Variants in HDAC3 observed in about 807,000 individuals in gnomAD.
HDAC3 encodes the protein histone deacetylase 3, also known as SMAP45.
In HDAC3, 21 loss-of-function variants were observed where a neutral mutation model predicts 62.3. The observed-to-expected ratio is 0.34, with a 90% CI of 0.24 to 0.49. HDAC3 has a LOEUF of 0.49. HDAC3 is among the 20% of genes least tolerant of loss of function. HDAC3 has a pLI of 0.99. For synonymous variants in HDAC3, 198 were observed against 206.5 expected (o/e 0.96, Z 0.35); for missense variants, 270 against 556.9 (o/e 0.48, Z 5.19).
intron 3 of HDAC3, among the ~76,000 whole-genome samples, chr5:141,632,744 T>G (rs1324442575): frequency 6.6e-6 from 1 of 152,184 alleles, no homozygotes; most frequent in Non-Finnish European, 1.5e-5. Context: ...CAAGAAAGGT[T>G]TCATGGAGAT....
In HDAC3 at chr5:141,627,782, A is replaced by G. The variant is rs1392214756; in HGVS notation, c.830+111T>C. ...TCTAGTTCAAGTACAATTTGTAGCTATTTTTGATTTCCAAGAAGAGGTGAG... is the reference window on the plus strand; with the variant it reads ...TCTAGTTCAAGTACAATTTGTAGCTGTTTTTGATTTCCAAGAAGAGGTGAG... On this transcript the variant is annotated intron_variant, in intron 10 of 14. Coordinates refer to ENST00000305264, the MANE Select transcript of HDAC3 (RefSeq NM_003883.4). 6.8e-6 allele frequency: 6 copies of G among 879,964 alleles called. No individual in the cohort carries two copies. In the East Asian group the frequency reaches 1.5e-4, roughly 21 times the overall value. 54.5% of individuals were successfully genotyped at this position (879,964 alleles called of 1,614,324 possible).
rs73282333 is a variant in HDAC3, at chr5:141,626,801, C to T, written c.831-518G>A. 0.2 allele frequency among the ~76,000 whole-genome samples: 20,452 copies of T among 103,290 alleles called. 2,827 individuals carry two copies. Among genetic ancestry groups the T allele is most frequent in the African/African-American group, 0.46 (13,711 of 29,634 alleles). 67.8% of individuals were successfully genotyped at this position (103,290 alleles called of 152,430 possible). ...GTGTGTGTGTATATATATATATATA[C>T]ACACACACACACACACACCTCTCAG... On this transcript the variant is annotated intron_variant, in intron 10 of 14. Coordinates refer to ENST00000305264, the MANE Select transcript of HDAC3 (RefSeq NM_003883.4). This position sits in a 1 kb window ranked among gnomAD's most constrained non-coding sequence, Gnocchi z 4.6.
intron 3 of HDAC3, among the ~76,000 whole-genome samples, chr5:141,633,347 T>C (rs1028333258): frequency 3.3e-5 from 5 of 152,232 alleles, no homozygotes; most frequent in African/African-American, 1.2e-4. Context: ...AATTTGAATA[T>C]TGATCCCATA....
At position 141,629,090 on chromosome 5, in the gene HDAC3, G is replaced by A; in HGVS notation, c.610+83C>T. On this transcript the variant is annotated intron_variant, in intron 7 of 14. Coordinates refer to ENST00000305264, the MANE Select transcript of HDAC3 (RefSeq NM_003883.4). The surrounding 1 kb of genome is among the most constrained non-coding windows in gnomAD (Gnocchi z 5.3). ...GCTTCTCTGAGGAGGGGACACCTGAGATGAGACTAGAAGGCTGAGAAGGAG... is the reference window on the plus strand; with the variant it reads ...GCTTCTCTGAGGAGGGGACACCTGAAATGAGACTAGAAGGCTGAGAAGGAG... 3.5e-6 allele frequency: 5 copies of A among 1,439,388 alleles called. No individual in the cohort carries two copies. Among genetic ancestry groups the A allele is most frequent in the Non-Finnish European group, 4.8e-6 (5 of 1,043,370 alleles). 89.2% of individuals were successfully genotyped at this position (1,439,388 alleles called of 1,614,324 possible). A position where few individuals can be genotyped will look rare whatever the true frequency, so the allele number is the denominator to read the frequency against.
chr5:141,628,031 C>T lies in HDAC3; in HGVS notation c.766-74G>A, dbSNP rs2099904697. The T allele has an allele frequency of 6.2e-7, 1 of 1,601,394 alleles. No individual in the cohort carries two copies. The highest frequency in any genetic ancestry group is 1.3e-5 in the African/African-American group (1 of 74,784). ...AACATCACAGATACCCCTTCCACCA[C>T]CAACCTAAAGAACCTCCTCTTCCCT... On this transcript the variant is annotated intron_variant, in intron 9 of 14. Transcript: ENST00000305264. The surrounding 1 kb of genome is among the most constrained non-coding windows in gnomAD (Gnocchi z 4.7).
chr5:141,621,368 CCTGGGGTGACCCCCAGGA>C lies in HDAC3; in HGVS notation c.*82_*99del. Reference sequence around the variant, plus strand: ...ACTCTTTCCCAGAGTCAGCAAAAGCCCTGGGGTGACCCCCAGGACTCTAGGAGCCACTCCTTTTCCCTC... The same window carrying C: ...ACTCTTTCCCAGAGTCAGCAAAAGCCCTCTAGGAGCCACTCCTTTTCCCTC... On this transcript the variant is annotated 3_prime_UTR_variant, in exon 15 of 15. Coordinates refer to ENST00000305264, the MANE Select transcript of HDAC3 (RefSeq NM_003883.4). The C allele has an allele frequency of 9.3e-7, 1 of 1,079,318 alleles. No individual in the cohort carries two copies. The highest frequency in any genetic ancestry group is 1.4e-6 in the Non-Finnish European group (1 of 701,080). The allele number at this position is 1,079,318 out of a possible 1,614,324, so 66.9% of individuals were successfully genotyped here. A position where few individuals can be genotyped will look rare whatever the true frequency, so the allele number is the denominator to read the frequency against.
At chr5:141,630,967 G>A (rs1051543986) in intron 3 of HDAC3, among the ~76,000 whole-genome samples, 2 of 151,568 alleles carry the variant, frequency 1.3e-5, no homozygotes, top group Non-Finnish European at 1.5e-5. Context: ...GACTACAGGT[G>A]TGAGCCATCG....
chr5:141,625,320 G>C lies in HDAC3; in HGVS notation c.1105C>G (p.Leu369Val). The change falls in exon 14 of 15, where the codon CTG (leucine) becomes GTG (valine). Residue 369 changes from leucine (L) to valine (V), a missense_variant. Coordinates refer to ENST00000305264, the MANE Select transcript of HDAC3 (RefSeq NM_003883.4). The surrounding 1 kb of genome is among the most constrained non-coding windows in gnomAD (Gnocchi z 4.0). The part of the protein sequence containing the change: ...RQTIFENLKM[L>V]NHAPSVQIHD... ...ATCTGGACACTAGGTGCATGGTTCA[G>C]CATCTTCAGGTTTTCAAAGATTGTC... 1 of 1,614,116 alleles carries C rather than the reference G, an allele frequency of 6.2e-7. No homozygotes were observed. The highest frequency in any genetic ancestry group is 8.5e-7 in the Non-Finnish European group (1 of 1,180,000).
In HDAC3 at chr5:141,626,429, T is replaced by A; in HGVS notation, c.831-146A>T. 1.5e-6 allele frequency: 1 copy of A among 670,292 alleles called. No individual in the cohort carries two copies. Among genetic ancestry groups the A allele is most frequent in the Non-Finnish European group, 2.6e-6 (1 of 381,882 alleles). The allele number at this position is 670,292 out of a possible 1,614,324, so 41.5% of individuals were successfully genotyped here. ...AGTGAAATTCATTATGTTATACCCT[T>A]AAGATTTGGGTATACTTTATATGCT... On this transcript the variant is annotated intron_variant, in intron 10 of 14. Coordinates refer to ENST00000305264, the MANE Select transcript of HDAC3 (RefSeq NM_003883.4). The surrounding 1 kb of genome is among the most constrained non-coding windows in gnomAD (Gnocchi z 4.6).
Position 141,627,867 on chromosome 5 carries a change from G to A in HDAC3, c.830+26C>T, listed in dbSNP as rs200580484. 175 of 1,612,594 alleles carry A rather than the reference G, an allele frequency of 1.1e-4. 1 individual carries two copies. The African/African-American group carries it at 1.5e-3, about 14-fold the overall frequency. On this transcript the variant is annotated intron_variant, in intron 10 of 14. Transcript: ENST00000305264. ...AGTCCAAGGCCACTTAAAAACCTTG[G>A]GGAGAAGAAGGAGAGCAAGTCTCAC...
Position 141,629,987 on chromosome 5 carries a change from A to G in HDAC3, c.363+57T>C, listed in dbSNP as rs145416168. On this transcript the variant is annotated intron_variant, in intron 4 of 14. Coordinates refer to ENST00000305264, the MANE Select transcript of HDAC3 (RefSeq NM_003883.4). This position sits in a 1 kb window ranked among gnomAD's most constrained non-coding sequence, Gnocchi z 5.3. ...AAGCTGGGAGCCCAGGATCAGGGTT[A>G]AATCCCGAGTCCAGGGATCCAGAGG... is the stretch of plus-strand genomic sequence containing the variant. The G allele has an allele frequency of 4.2e-3, 6,832 of 1,612,348 alleles. 27 individuals are homozygous for G. Among genetic ancestry groups the G allele is most frequent in the Middle Eastern group, 0.015 (91 of 6,060 alleles).
Position 141,625,470 on chromosome 5 carries a change from G to A in HDAC3, c.1060-105C>T. 3 of 1,331,704 alleles carry A rather than the reference G, an allele frequency of 2.3e-6. No individual in the cohort carries two copies. The highest frequency in any genetic ancestry group is 2.3e-5 in the East Asian group (1 of 43,590). The allele number at this position is 1,331,704 out of a possible 1,614,324, so 82.5% of individuals were successfully genotyped here. On this transcript the variant is annotated intron_variant, in intron 13 of 14. Transcript: ENST00000305264. This position sits in a 1 kb window ranked among gnomAD's most constrained non-coding sequence, Gnocchi z 4.0. ...CTACCATACTGGTTTTCATCTCAGT[G>A]GTACCTCTAGTTCAGGTCCCCCAAC...
chr5:141,630,184 C>G, intron 3 of HDAC3, 59 bp from the exon 4 acceptor site: 3 of 1,417,508 alleles, frequency 2.1e-6, no homozygotes, highest in Non-Finnish European at 3.0e-6. Context: ...CTTCCCATAT[C>G]TCCCTCCCCA....
intron 3 of HDAC3, among the ~76,000 whole-genome samples, chr5:141,633,043 T>C (rs2099905454): frequency 6.6e-6 from 1 of 152,192 alleles, no homozygotes; most frequent in African/African-American, 2.4e-5. Context: ...TACTTATATA[T>C]AACATCAGAA....
At position 141,625,616 on chromosome 5, in the gene HDAC3, A is replaced by G. The variant is rs2099904329; in HGVS notation, c.1059+69T>C. ...TTCTCTTTGGTTTTTCCTACTTCCCACATCTTTGACCTCTCCTGGGCTCCA... is the reference window on the plus strand; with the variant it reads ...TTCTCTTTGGTTTTTCCTACTTCCCGCATCTTTGACCTCTCCTGGGCTCCA... On this transcript the variant is annotated intron_variant, in intron 13 of 14. Coordinates refer to ENST00000305264, the MANE Select transcript of HDAC3 (RefSeq NM_003883.4). This position sits in a 1 kb window ranked among gnomAD's most constrained non-coding sequence, Gnocchi z 4.0. 1 of 1,471,510 alleles carries G rather than the reference A, an allele frequency of 6.8e-7. No individual in the cohort carries two copies. Among genetic ancestry groups the G allele is most frequent in the Admixed American group, 1.7e-5 (1 of 59,552 alleles). 91.2% of individuals were successfully genotyped at this position (1,471,510 alleles called of 1,614,324 possible).
Position 141,629,802 on chromosome 5 carries a change from T to C in HDAC3, c.420+58A>G. 1 of 1,610,594 alleles carries C rather than the reference T, an allele frequency of 6.2e-7. No individual in the cohort carries two copies. Among genetic ancestry groups the C allele is most frequent in the African/African-American group, 1.3e-5 (1 of 74,914 alleles). The stretch of plus-strand genomic sequence containing the variant: ...TTCCCCTCCCAGCTGCCCCCCACCA[T>C]CATCCTAAACACCTACCCTAGGATG... On this transcript the variant is annotated intron_variant, in intron 5 of 14. Transcript: ENST00000305264. The surrounding 1 kb of genome is among the most constrained non-coding windows in gnomAD (Gnocchi z 5.3).
In HDAC3 at chr5:141,629,197, C is replaced by T. The variant is rs2099904869; in HGVS notation, c.586G>A (p.Gly196Arg). The T allele has an allele frequency of 1.2e-6, 2 of 1,614,082 alleles. No homozygotes were observed. Among genetic ancestry groups the T allele is most frequent in the Non-Finnish European group, 1.7e-6 (2 of 1,180,008 alleles). ...CCTGTGCCAGGGAAGAAGTAATTTC[C>T]GTATTTGTGGAAGGACACCGTCATG... ...RVMTVSFHKY[G>R]NYFFPGTGDM... Residue 196 changes from glycine to arginine, a missense_variant, in exon 7 of 15, where the codon GGA becomes AGA. Physicochemically the swap from Gly to Arg is moderately radical, Grantham distance 125. Around this residue, in one of 5 missense-constraint regions of HDAC3, gnomAD observed 156 missense variants for 383.9 expected, o/e 0.41. Coordinates refer to ENST00000305264, the MANE Select transcript of HDAC3 (RefSeq NM_003883.4). This position sits in a 1 kb window ranked among gnomAD's most constrained non-coding sequence, Gnocchi z 5.3.
At position 141,625,346 on chromosome 5, in the gene HDAC3, T is replaced by C; in HGVS notation, c.1079A>G (p.Gln360Arg). The C allele has an allele frequency of 1.9e-6, 3 of 1,614,118 alleles. No homozygotes were observed. Among genetic ancestry groups the C allele is most frequent in the Non-Finnish European group, 2.5e-6 (3 of 1,180,010 alleles). ...CATCTTCAGGTTTTCAAAGATTGTC[T>C]GGCGGATCTGGTCCAGATACTGGTT... ...NSRQYLDQIR[Q>R]TIFENLKMLN... The change falls in exon 14 of 15, where the codon CAG becomes CGG. Residue 360 changes from glutamine (Q) to arginine (R), a missense_variant. Gln to Arg is a conservative substitution (Grantham distance 43). Coordinates refer to ENST00000305264, the MANE Select transcript of HDAC3 (RefSeq NM_003883.4). The surrounding 1 kb of genome is among the most constrained non-coding windows in gnomAD (Gnocchi z 4.0).
chr5:141,626,524 C>A lies in HDAC3; in HGVS notation c.831-241G>T. 1 of 497,104 alleles carries A rather than the reference C, an allele frequency of 2.0e-6. No individual in the cohort carries two copies. The highest frequency in any genetic ancestry group is 3.6e-6 in the Non-Finnish European group (1 of 274,554). 30.8% of individuals were successfully genotyped at this position (497,104 alleles called of 1,614,324 possible). A position where few individuals can be genotyped will look rare whatever the true frequency, so the allele number is the denominator to read the frequency against. ...TTCTGCTCAACACCCTCCCTGGCAC[C>A]CTGCCTGCTAATCAACTATTCTCAT... On this transcript the variant is annotated intron_variant, in intron 10 of 14. Transcript: ENST00000305264. This position sits in a 1 kb window ranked among gnomAD's most constrained non-coding sequence, Gnocchi z 4.6.
Sources: gnomAD v4.1 joint callset for allele counts (sites outside exome capture counted in the v4.1 genomes callset) on GRCh38, gnomAD v4.1.1 for gene constraint, gnomAD v4.1.1 regional missense constraint, Gnocchi (gnomAD v3.1) non-coding constraint, MANE v1.5 for transcripts, NCBI Gene and HGNC (gene_info 2026-07-23, HGNC 2026-07-21) for gene names.